Variants in PLD5 observed in about 807,000 individuals in gnomAD.
PLD5 encodes the protein inactive phospholipase D5.
PLD5 carries 36 observed loss-of-function variants against 61.1 expected under a neutral mutation model. The ratio of observed to expected loss-of-function variants is 0.59; its 90% confidence interval spans 0.45 to 0.78. PLD5 has a LOEUF of 0.78. Ranked by LOEUF, PLD5 falls within the 30% of genes least tolerant of loss-of-function variation. The pLI, the probability that PLD5 is intolerant of heterozygous loss-of-function variation, is 0.00. For missense variants in PLD5, 515 were observed against 644.4 expected, an observed-to-expected ratio of 0.80 and a Z score of 2.17; for synonymous variants, 243 against 242.8, an observed-to-expected ratio of 1.00 and a Z score of -0.01.
At chr1:242,095,458 C>G (rs1660154301) in intron 9 of PLD5, among the ~76,000 whole-genome samples, 1 of 152,166 alleles carries the variant, frequency 6.6e-6, no homozygotes, top group Non-Finnish European at 1.5e-5. Flanking sequence ...TCTCCAACTC[C>G]TGACCTCAGG....
intron 9 of PLD5, among the ~76,000 whole-genome samples, chr1:242,092,956 G>A (rs564966592): frequency 6.6e-6 from 1 of 152,168 alleles, no homozygotes; most frequent in African/African-American, 2.4e-5. Flanking sequence ...CAGAGAGAGG[G>A]ACCTGCCCCC....
chr1:242,421,312 A>T (rs1271091446), intron 1 of PLD5, among the ~76,000 whole-genome samples: 1 of 152,108 alleles, frequency 6.6e-6, no homozygotes, highest in Non-Finnish European at 1.5e-5. Flanking sequence ...TAAATAAATC[A>T]TTGACATTCC....
chr1:242,504,581 T>C (rs1232264972), intron 1 of PLD5, among the ~76,000 whole-genome samples: 2 of 152,162 alleles, frequency 1.3e-5, no homozygotes, highest in African/African-American at 4.8e-5. Flanking sequence ...TGAAAGCATT[T>C]TTTAACTGTG....
chr1:242,246,518 A>ACACACACACACACACACACAC (rs1256880675), intron 4 of PLD5, among the ~76,000 whole-genome samples: 1 of 73,634 alleles, frequency 1.4e-5, no homozygotes, highest in Non-Finnish European at 3.3e-5. Context: ...CACACACACA[A>ACACACACACACACACACACAC]AAGCAAAATC....
At chr1:242,264,408 T>C (rs1673539858) in intron 4 of PLD5, among the ~76,000 whole-genome samples, 1 of 152,336 alleles carries the variant, frequency 6.6e-6, no homozygotes, top group Non-Finnish European at 1.5e-5. Context: ...GTAATGACTT[T>C]CAATATGCTT....
chr1:242,509,940 C>T (rs1668850346), intron 1 of PLD5, among the ~76,000 whole-genome samples: 1 of 152,206 alleles, frequency 6.6e-6, no homozygotes, highest in African/African-American at 2.4e-5. Context: ...CACTTTCACA[C>T]TCCTGAAACG....
At position 242,506,257 on chromosome 1, in the gene PLD5, C is replaced by A. The variant is rs191033701; in HGVS notation, c.189+17831G>T. ...GTATATACATCTTAGTGATCTATATCTAGGAAATTAAACTTAAGTTACATA... is the reference window on the plus strand; with the variant it reads ...GTATATACATCTTAGTGATCTATATATAGGAAATTAAACTTAAGTTACATA... On this transcript the variant is annotated intron_variant, in intron 1 of 9. Transcript: ENST00000536534. Among the ~76,000 whole-genome samples, 204 of 152,248 alleles carry A rather than the reference C, an allele frequency of 1.3e-3. 3 individuals carry two copies. The highest frequency in any genetic ancestry group is 4.8e-3 in the African/African-American group (199 of 41,530).
intron 6 of PLD5, among the ~76,000 whole-genome samples, chr1:242,115,767 AG>A (rs1281927120): frequency 6.6e-6 from 1 of 152,178 alleles, no homozygotes; most frequent in African/African-American, 2.4e-5. Context: ...GGAATATCTG[AG>A]GGAGCTATTA....
chr1:242,386,473 G>T (rs1662607282), intron 1 of PLD5, among the ~76,000 whole-genome samples: 1 of 152,166 alleles, frequency 6.6e-6, no homozygotes, highest in Non-Finnish European at 1.5e-5. Context: ...TACCCAGTCT[G>T]CTGGGCACAC....
chr1:242,320,497 C>T (rs576535837), intron 2 of PLD5, among the ~76,000 whole-genome samples: 11 of 152,226 alleles, frequency 7.2e-5, no homozygotes, highest in African/African-American at 2.6e-4. Flanking sequence ...GAGTGGTTGC[C>T]CAGAGCAAGC....
At chr1:242,392,282 A>G (rs1213674502) in intron 1 of PLD5, among the ~76,000 whole-genome samples, 3 of 152,116 alleles carry the variant, frequency 2.0e-5, no homozygotes, top group African/African-American at 7.3e-5. Flanking sequence ...AGAGGGCAAG[A>G]GTTGAAAAAC....
Position 242,153,199 on chromosome 1 carries a change from GT to G in PLD5, c.736-28535del, listed in dbSNP as rs573914173. On this transcript the variant is annotated intron_variant, in intron 5 of 9. Coordinates refer to ENST00000536534, the MANE Select transcript of PLD5 (RefSeq NM_001372062.1). ...CATATCCTTTGTCTACTTTTTGATG[GT>G]TTTTTTTTCTTGTAAATTTGTGGAA... Among the ~76,000 whole-genome samples the G allele has an allele frequency of 1.0e-3, 155 of 149,336 alleles. 5 individuals are homozygous for G. In the South Asian group the frequency reaches 0.027, roughly 26 times the overall value.
intron 5 of PLD5, among the ~76,000 whole-genome samples, chr1:242,202,141 C>G (rs1669022457): frequency 6.6e-6 from 1 of 152,106 alleles, no homozygotes; most frequent in African/African-American, 2.4e-5. Flanking sequence ...TCGAACCCAG[C>G]AGGTGGAGGT....
chr1:242,463,661 A>G (rs1259897475), intron 1 of PLD5, among the ~76,000 whole-genome samples: 3 of 151,988 alleles, frequency 2.0e-5, no homozygotes, highest in African/African-American at 7.3e-5. Context: ...ATCTATGACC[A>G]AGAATGAACT....
At chr1:242,215,920 G>A (rs990288156) in intron 5 of PLD5, among the ~76,000 whole-genome samples, 11 of 152,062 alleles carry the variant, frequency 7.2e-5, no homozygotes, top group Non-Finnish European at 1.5e-4. Flanking sequence ...ACTCTATTAA[G>A]CTTATCTTCT....
chr1:242,188,346 G>A (rs1668038149), intron 5 of PLD5, among the ~76,000 whole-genome samples: 1 of 152,186 alleles, frequency 6.6e-6, no homozygotes, highest in Non-Finnish European at 1.5e-5. Flanking sequence ...TTAAGACAGA[G>A]ATAAGGTTTC....
intron 4 of PLD5, among the ~76,000 whole-genome samples, chr1:242,227,334 G>A (rs1574561606): frequency 6.6e-6 from 1 of 151,800 alleles, no homozygotes; most frequent in East Asian, 1.9e-4. Context: ...ATAGGCATAA[G>A]CACCACACCT....
At chr1:242,361,139 A>G (rs1661042806) in intron 1 of PLD5, among the ~76,000 whole-genome samples, 1 of 152,110 alleles carries the variant, frequency 6.6e-6, no homozygotes, top group African/African-American at 2.4e-5. Flanking sequence ...TACTTTCATA[A>G]CTCTCATAAA....
At chr1:242,315,006 T>G (rs1676924797) in intron 2 of PLD5, among the ~76,000 whole-genome samples, 1 of 152,238 alleles carries the variant, frequency 6.6e-6, no homozygotes, top group African/African-American at 2.4e-5. Flanking sequence ...TTTTCCTTAT[T>G]GTGTTCCCAC....
Sources: gnomAD v4.1 joint callset for allele counts (sites outside exome capture counted in the v4.1 genomes callset) on GRCh38, gnomAD v4.1.1 for gene constraint, MANE v1.5 for transcripts, NCBI Gene and HGNC (gene_info 2026-07-23, HGNC 2026-07-21) for gene names.